Variants in RBFOX3 observed in about 807,000 individuals in gnomAD.
RBFOX3 encodes the protein RNA binding protein fox-1 homolog 3.
RBFOX3 carries 17 observed loss-of-function variants against 48.7 expected under a neutral mutation model. The ratio of observed to expected loss-of-function variants is 0.35; its 90% CI spans 0.24 to 0.52. The LOEUF (loss-of-function observed/expected upper bound fraction) is 0.52. RBFOX3 is among the 20% of genes least tolerant of loss of function. The probability of loss-of-function intolerance (pLI) is 0.94; values close to 1 mark genes in which losing one functional copy is unlikely to be tolerated. For missense variants in RBFOX3, 382 were observed against 497.5 expected, an observed-to-expected ratio of 0.77 and a Z score of 2.21; for synonymous variants, 212 against 209.5, an observed-to-expected ratio of 1.01 and a Z score of -0.10.
intron 2 of RBFOX3, among the ~76,000 whole-genome samples, chr17:79,349,430 T>A (rs2083470889): frequency 6.6e-6 from 1 of 151,634 alleles, no homozygotes; most frequent in Non-Finnish European, 1.5e-5. Context: ...CACCTCTCAC[T>A]CTCCTCCTCA....
chr17:79,415,000 C>T (rs1403779155), intron 2 of RBFOX3, among the ~76,000 whole-genome samples: 1 of 152,194 alleles, frequency 6.6e-6, no homozygotes, highest in Non-Finnish European at 1.5e-5. Flanking sequence ...CAGGTCTGTT[C>T]CCCAGGGCAG....
chr17:79,657,260 G>A, the RBFOX3 span, among the ~76,000 whole-genome samples: 1 of 152,178 alleles, frequency 6.6e-6, no homozygotes, highest in Non-Finnish European at 1.5e-5. Flanking sequence ...CCAGCTAAGG[G>A]GGAGATTGCA....
chr17:79,248,009 GA>G (rs5822282), intron 3 of RBFOX3, among the ~76,000 whole-genome samples: 20,037 of 152,046 alleles, frequency 0.13, 1,467 homozygotes, highest in East Asian at 0.27. Context: ...ACAATGGGAG[GA>G]AACAGAGCCA....
the RBFOX3 span, among the ~76,000 whole-genome samples, chr17:79,626,505 G>C: frequency 3.3e-5 from 5 of 152,220 alleles, no homozygotes; most frequent in African/African-American, 1.2e-4. Flanking sequence ...CCCCCGTCTG[G>C]AACCAGGATT....
chr17:79,137,390 T>C (rs1459776518), intron 4 of RBFOX3, among the ~76,000 whole-genome samples: 1 of 152,144 alleles, frequency 6.6e-6, no homozygotes, highest in African/African-American at 2.4e-5. Context: ...ATTGTGAAAT[T>C]ATCAAATATC....
At chr17:79,133,779 T>A (rs1344322402) in intron 4 of RBFOX3, among the ~76,000 whole-genome samples, 4 of 152,158 alleles carry the variant, frequency 2.6e-5, no homozygotes, top group African/African-American at 9.7e-5. Flanking sequence ...AAGAACATCA[T>A]CCAGGCCAAA....
chr17:79,248,298 A>G (rs1196739830), intron 3 of RBFOX3, among the ~76,000 whole-genome samples: 2 of 151,892 alleles, frequency 1.3e-5, no homozygotes, highest in Admixed American at 6.6e-5. Flanking sequence ...CAGTGGCGCA[A>G]TCTTGGCTCA....
chr17:79,453,514 A>G (rs1323569732), intron 2 of RBFOX3, among the ~76,000 whole-genome samples: 2 of 152,208 alleles, frequency 1.3e-5, no homozygotes, highest in Admixed American at 6.5e-5. Flanking sequence ...GATGTCACCC[A>G]GAGTCCCAGG....
chr17:79,419,852 C>T (rs903468175), intron 2 of RBFOX3, among the ~76,000 whole-genome samples: 13 of 152,144 alleles, frequency 8.5e-5, no homozygotes, highest in Non-Finnish European at 1.5e-4. Context: ...AGGGGCCGGG[C>T]GCGGTGGCTC....
chr17:79,396,941 G>A lies in RBFOX3; in HGVS notation c.-175+85513C>T, dbSNP rs543083650. Reference sequence around the variant, plus strand: ...TCATCCATGGTAGGGAAGTCTGCAAGGAGAACGAACCCCTGTCACAGCGGC... The same window carrying A: ...TCATCCATGGTAGGGAAGTCTGCAAAGAGAACGAACCCCTGTCACAGCGGC... On this transcript the variant is annotated intron_variant, in intron 2 of 14. Coordinates refer to ENST00000693108, the MANE Select transcript of RBFOX3 (RefSeq NM_001350451.2). Among the ~76,000 whole-genome samples the A allele has an allele frequency of 2.0e-5, 3 of 152,388 alleles. No homozygotes were observed. The East Asian group carries it at 5.8e-4, about 29-fold the overall frequency.
chr17:79,243,294 CA>C lies in RBFOX3; in HGVS notation c.-73-7490del, dbSNP rs1472864033. Among the ~76,000 whole-genome samples, 1 of 152,142 alleles carries C rather than the reference CA, an allele frequency of 6.6e-6. No individual in the cohort carries two copies. Among genetic ancestry groups the C allele is most frequent in the Non-Finnish European group, 1.5e-5 (1 of 68,030 alleles). ...ATAAACCCTGGAGTGTCAGAGTGAG[CA>C]GGGGGCAAACCAACGTGGCCCCAGG... On this transcript the variant is annotated intron_variant, in intron 3 of 14. Coordinates refer to ENST00000693108, the MANE Select transcript of RBFOX3 (RefSeq NM_001350451.2). This position sits in a 1 kb window ranked among gnomAD's most constrained non-coding sequence, Gnocchi z 7.9.
At chr17:79,120,928 C>T (rs1252310373) in intron 4 of RBFOX3, among the ~76,000 whole-genome samples, 1 of 152,030 alleles carries the variant, frequency 6.6e-6, no homozygotes, top group East Asian at 1.9e-4. Flanking sequence ...CAGATAAACA[C>T]AAAATCACCC....
intron 2 of RBFOX3, among the ~76,000 whole-genome samples, chr17:79,451,868 T>C (rs1322341190): frequency 6.6e-6 from 1 of 152,254 alleles, no homozygotes; most frequent in Non-Finnish European, 1.5e-5. Context: ...GGATCATACG[T>C]GCTTCACGTC....
At position 79,204,295 on chromosome 17, in the gene RBFOX3, C is replaced by T. The variant is rs915329509; in HGVS notation, c.-34+31471G>A. 2.0e-5 allele frequency among the ~76,000 whole-genome samples: 3 copies of T among 152,024 alleles called. No homozygotes were observed. Among genetic ancestry groups the T allele is most frequent in the African/African-American group, 7.3e-5 (3 of 41,362 alleles). ...TGGACGCCGGGGAGCGGACACACACCAGCGGGCGCCGGGGAGCGGGTACAC... is the reference window on the plus strand; with the variant it reads ...TGGACGCCGGGGAGCGGACACACACTAGCGGGCGCCGGGGAGCGGGTACAC... On this transcript the variant is annotated intron_variant, in intron 4 of 14. Transcript: ENST00000693108. The surrounding 1 kb of genome is among the most constrained non-coding windows in gnomAD (Gnocchi z 4.5).
chr17:79,649,934 A>G, the RBFOX3 span, among the ~76,000 whole-genome samples: 1 of 152,096 alleles, frequency 6.6e-6, no homozygotes, highest in Non-Finnish European at 1.5e-5. Flanking sequence ...CAGATCTCAC[A>G]GTAACTCACT....
chr17:79,241,686 C>A (rs2062403811), intron 3 of RBFOX3, among the ~76,000 whole-genome samples: 1 of 152,218 alleles, frequency 6.6e-6, no homozygotes, highest in Non-Finnish European at 1.5e-5. Flanking sequence ...GCTTAAACAA[C>A]AGAAATGTAT....
intron 3 of RBFOX3, among the ~76,000 whole-genome samples, chr17:79,240,649 C>T (rs545229369): frequency 8.5e-5 from 13 of 152,254 alleles, no homozygotes; most frequent in African/African-American, 2.6e-4. Context: ...GTCTGTTTCA[C>T]TTTATTTTTA....
chr17:79,446,787 CGG>C (rs2072401257), intron 2 of RBFOX3, among the ~76,000 whole-genome samples: 1 of 113,030 alleles, frequency 8.8e-6, no homozygotes, highest in Non-Finnish European at 2.2e-5. Flanking sequence ...GGGGCAGTCA[CGG>C]AGCTGCACAC....
At chr17:79,455,841 C>T (rs1267008627) in intron 2 of RBFOX3, among the ~76,000 whole-genome samples, 1 of 152,182 alleles carries the variant, frequency 6.6e-6, no homozygotes, top group Non-Finnish European at 1.5e-5. Flanking sequence ...TGCAGCGGCA[C>T]CTCCAGCCTG....
Sources: gnomAD v4.1 joint callset for allele counts (sites outside exome capture counted in the v4.1 genomes callset) on GRCh38, gnomAD v4.1.1 for gene constraint, Gnocchi (gnomAD v3.1) non-coding constraint, MANE v1.5 for transcripts, NCBI Gene and HGNC (gene_info 2026-07-23, HGNC 2026-07-21) for gene names.